The following ADAMTS12 variants were observed in gnomAD, a reference collection of about 807,000 sequenced individuals.
ADAMTS12 encodes the protein A disintegrin and metalloproteinase with thrombospondin motifs 12.
Under a neutral mutation model 167.8 loss-of-function variants are expected in ADAMTS12, and 118 were observed. The ratio of observed to expected loss-of-function variants is 0.70; its 90% CI spans 0.61 to 0.82. The LOEUF (loss-of-function observed/expected upper bound fraction) is 0.82. Among genes scored for constraint, ADAMTS12 ranks in the 40% least tolerant of loss-of-function variants. The probability of loss-of-function intolerance (pLI) is 0.00; values close to 1 mark genes in which losing one functional copy is unlikely to be tolerated. For synonymous variants in ADAMTS12, 704 were observed against 716.9 expected (o/e 0.98, Z 0.29); for missense variants, 1,916 against 1,998.8 (o/e 0.96, Z 0.79).
intron 22 of ADAMTS12, among the ~76,000 whole-genome samples, chr5:33,540,993 T>C (rs1039713319): frequency 6.6e-6 from 1 of 152,152 alleles, no homozygotes; most frequent in Admixed American, 6.5e-5. Flanking sequence ...CTTTGACGAG[T>C]TGACAGAAGT....
intron 2 of ADAMTS12, among the ~76,000 whole-genome samples, chr5:33,832,113 ATC>A (rs760385754): frequency 5.9e-5 from 9 of 152,356 alleles, no homozygotes; most frequent in Non-Finnish European, 1.2e-4. Context: ...TGCTGAAACT[ATC>A]TGATAGATTC....
chr5:33,788,630 T>C (rs1746422323), intron 2 of ADAMTS12, among the ~76,000 whole-genome samples: 1 of 152,102 alleles, frequency 6.6e-6, no homozygotes, highest in African/African-American at 2.4e-5. Flanking sequence ...TGGAAGCAGG[T>C]GCACCAGGAA....
At chr5:33,889,049 C>T (rs1395541567) in intron 1 of ADAMTS12, among the ~76,000 whole-genome samples, 1 of 152,142 alleles carries the variant, frequency 6.6e-6, no homozygotes, top group African/African-American at 2.4e-5. Context: ...AAATGTGGAA[C>T]CCTGTGCAAT....
intron 12 of ADAMTS12, 69 bp downstream of exon 12, chr5:33,637,507 CT>C: frequency 6.7e-7 from 1 of 1,495,158 alleles, no homozygotes; most frequent in Non-Finnish European, 9.1e-7. Flanking sequence ...CACAGAAACC[CT>C]GACTGACATA....
At chr5:33,841,361 T>C (rs1748738291) in intron 2 of ADAMTS12, among the ~76,000 whole-genome samples, 1 of 152,218 alleles carries the variant, frequency 6.6e-6, no homozygotes, top group Admixed American at 6.5e-5. Flanking sequence ...GACCTCTTAC[T>C]TCCTCTGCCA....
chr5:33,579,315 T>C lies in ADAMTS12; in HGVS notation c.2866-2155A>G, dbSNP rs545387497. ...TGCTGGCTGCCTCAGGCAGGCTCAG[T>C]CTTGAGAGCTGACTGATAACTGAGG... On this transcript the variant is annotated intron_variant, in intron 18 of 23. Transcript: ENST00000504830. Among the ~76,000 whole-genome samples the C allele has an allele frequency of 1.6e-4, 25 of 152,202 alleles. 1 individual carries two copies. In the East Asian group the frequency reaches 4.8e-3, roughly 29 times the overall value.
At chr5:33,832,643 C>A (rs1748344468) in intron 2 of ADAMTS12, among the ~76,000 whole-genome samples, 1 of 152,260 alleles carries the variant, frequency 6.6e-6, no homozygotes, top group Middle Eastern at 3.4e-3. Flanking sequence ...GAATTTCCAC[C>A]AGGCACTAGC....
intron 20 of ADAMTS12, among the ~76,000 whole-genome samples, chr5:33,560,825 C>T (rs532153995): frequency 1.2e-4 from 18 of 148,020 alleles, no homozygotes; most frequent in South Asian, 8.8e-4. Context: ...ATGTAAATGA[C>T]GAGTTAATGG....
chr5:33,656,790 A>G (rs1426598367), intron 7 of ADAMTS12, among the ~76,000 whole-genome samples: 2 of 152,194 alleles, frequency 1.3e-5, no homozygotes, highest in African/African-American at 4.8e-5. Context: ...CTGTTTGTGC[A>G]TAACAATAAC....
rs867623710 is a variant in ADAMTS12 at position 33,795,653 on chromosome 5, T to C, written c.490-44105A>G. On this transcript the variant is annotated intron_variant, in intron 2 of 23. Coordinates refer to ENST00000504830, the MANE Select transcript of ADAMTS12 (RefSeq NM_030955.4). Reference sequence around the variant, plus strand: ...CCTCAAGCTCTGGCTATACTCCCAATGTGGAGGAATGGGGGAGCTGGGATG... The same window carrying C: ...CCTCAAGCTCTGGCTATACTCCCAACGTGGAGGAATGGGGGAGCTGGGATG... 3.7e-4 allele frequency among the ~76,000 whole-genome samples: 56 copies of C among 152,220 alleles called. 1 individual carries two copies. The highest frequency in any genetic ancestry group is 3.4e-3 in the Middle Eastern group (1 of 294).
chr5:33,816,633 G>A (rs928918020), intron 2 of ADAMTS12, among the ~76,000 whole-genome samples: 5 of 152,114 alleles, frequency 3.3e-5, no homozygotes, highest in African/African-American at 1.2e-4. Context: ...ACTTAGTGCT[G>A]TGCTATGTGT....
At chr5:33,627,548 G>C (rs1739722979) in intron 13 of ADAMTS12, among the ~76,000 whole-genome samples, 1 of 151,994 alleles carries the variant, frequency 6.6e-6, no homozygotes, top group Non-Finnish European at 1.5e-5. Flanking sequence ...TTAACTGTGA[G>C]AGGAGAGTTG....
chr5:33,538,984 C>T (rs1036795616), intron 22 of ADAMTS12, among the ~76,000 whole-genome samples: 2 of 152,150 alleles, frequency 1.3e-5, no homozygotes, highest in South Asian at 4.2e-4. Flanking sequence ...CTCTGTCACC[C>T]AGGCTGGAGT....
rs1579784020 is a variant in ADAMTS12, at chr5:33,637,741, T to A, written c.1724A>T (p.Lys575Met). ...TCCAGTGCAATATTTCCCTCCAAACTTTGGCCTGCAAATGAAACAGACAAG... is the reference window on the plus strand; with the variant it reads ...TCCAGTGCAATATTTCCCTCCAAACATTGGCCTGCAAATGAAACAGACAAG... The part of the protein sequence containing the change: ...AERLCNNPEP[K>M]FGGKYCTGER... The change falls in exon 12 of 24, where the codon AAG becomes ATG. Residue 575 changes from lysine (K) to methionine (M), a missense_variant. Lys to Met is a moderately conservative substitution (Grantham distance 95, BLOSUM62 -1). Coordinates refer to ENST00000504830, the MANE Select transcript of ADAMTS12 (RefSeq NM_030955.4). The A allele has an allele frequency of 2.5e-6, 4 of 1,612,280 alleles. No homozygotes were observed. Among genetic ancestry groups the A allele is most frequent in the Non-Finnish European group, 2.5e-6 (3 of 1,178,984 alleles).
At chr5:33,869,351 T>C (rs1279884336) in intron 2 of ADAMTS12, among the ~76,000 whole-genome samples, 2 of 151,984 alleles carry the variant, frequency 1.3e-5, no homozygotes, top group Non-Finnish European at 2.9e-5. Context: ...CCACCCAGAC[T>C]TCAGAGGATG....
chr5:33,783,587 T>C (rs1746222559), intron 2 of ADAMTS12, among the ~76,000 whole-genome samples: 2 of 151,930 alleles, frequency 1.3e-5, no homozygotes, highest in Non-Finnish European at 2.9e-5. Context: ...TATAAGGGGA[T>C]ATTAGCTGTA....
At chr5:33,672,733 AC>A (rs1262653060) in intron 5 of ADAMTS12, among the ~76,000 whole-genome samples, 1 of 152,180 alleles carries the variant, frequency 6.6e-6, no homozygotes, top group Non-Finnish European at 1.5e-5. Context: ...GTCAGCAAGG[AC>A]CCACCTTCAT....
intron 16 of ADAMTS12, among the ~76,000 whole-genome samples, chr5:33,597,236 G>A (rs926835182): frequency 6.6e-6 from 1 of 152,224 alleles, no homozygotes; most frequent in Non-Finnish European, 1.5e-5. Flanking sequence ...GGACTGAAGT[G>A]AAGGGGCAGT....
chr5:33,680,983 A>G (rs1742091384), intron 5 of ADAMTS12, among the ~76,000 whole-genome samples: 1 of 152,196 alleles, frequency 6.6e-6, no homozygotes, highest in Non-Finnish European at 1.5e-5. Context: ...CTACATGTCA[A>G]CATCTAACTT....
Sources: gnomAD v4.1 joint callset for allele counts (sites outside exome capture counted in the v4.1 genomes callset) on GRCh38, gnomAD v4.1.1 for gene constraint, MANE v1.5 for transcripts, NCBI Gene and HGNC (gene_info 2026-07-23, HGNC 2026-07-21) for gene names.